The following NEDD4L variants were observed in gnomAD, a reference collection of about 807,000 sequenced individuals.
NEDD4L encodes the protein E3 ubiquitin-protein ligase NEDD4-like.
A neutral mutation model predicts 148.9 loss-of-function variants in NEDD4L; 54 were observed. That is an observed-to-expected ratio of 0.36 (90% CI 0.29 to 0.45). The LOEUF is 0.45. NEDD4L is among the 20% of genes least tolerant of loss of function. NEDD4L has a pLI of 1.00. For missense variants in NEDD4L, 856 were observed against 1,233.8 expected, an observed-to-expected ratio of 0.69 and a Z score of 4.59; for synonymous variants, 433 against 440.7, an observed-to-expected ratio of 0.98 and a Z score of 0.22.
intron 2 of NEDD4L, among the ~76,000 whole-genome samples, chr18:58,220,817 A>G (rs1255808991): frequency 6.6e-6 from 1 of 152,164 alleles, no homozygotes; most frequent in East Asian, 1.9e-4. Context: ...GGCAGAGAGC[A>G]CATGTTTGAC....
Position 58,151,987 on chromosome 18 carries a change from G to A in NEDD4L, c.49-13801G>A, listed in dbSNP as rs2034828565. On this transcript the variant is annotated intron_variant, in intron 1 of 30. Transcript: ENST00000400345. ...GAGCATCAAATAATATATCCCATAG[G>A]ATAGAAAGGCACAGTGAGTGAGTTT... Among the ~76,000 whole-genome samples, 3 of 152,204 alleles carry A rather than the reference G, an allele frequency of 2.0e-5. No individual in the cohort carries two copies. The South Asian group carries it at 6.2e-4, about 32-fold the overall frequency.
chr18:58,283,892 A>G (rs1341847287), intron 5 of NEDD4L, among the ~76,000 whole-genome samples: 1 of 152,230 alleles, frequency 6.6e-6, no homozygotes, highest in Non-Finnish European at 1.5e-5. Flanking sequence ...TCTGACTGGT[A>G]GCCTTATAAA....
chr18:58,333,280 A>T (rs2041266791), intron 11 of NEDD4L, among the ~76,000 whole-genome samples: 1 of 130,298 alleles, frequency 7.7e-6, no homozygotes, highest in African/African-American at 3.3e-5. Flanking sequence ...TCTATATTTA[A>T]AAAAAAAAAA....
At chr18:58,055,904 C>T (rs1204867174) in intron 1 of NEDD4L, among the ~76,000 whole-genome samples, 1 of 152,096 alleles carries the variant, frequency 6.6e-6, no homozygotes, top group Non-Finnish European at 1.5e-5. Context: ...ATCCATTTCT[C>T]CTTATTATTG....
intron 2 of NEDD4L, among the ~76,000 whole-genome samples, chr18:58,189,681 T>G (rs1482746513): frequency 6.6e-6 from 1 of 152,204 alleles, no homozygotes; most frequent in Non-Finnish European, 1.5e-5. Flanking sequence ...TTGGCTTTTT[T>G]CTTCACATGA....
intron 5 of NEDD4L, among the ~76,000 whole-genome samples, chr18:58,259,771 T>C (rs1273050156): frequency 6.6e-6 from 1 of 152,196 alleles, no homozygotes; most frequent in Non-Finnish European, 1.5e-5. Context: ...CATATGCTAT[T>C]GGAGAAGAGA....
intron 2 of NEDD4L, among the ~76,000 whole-genome samples, chr18:58,168,963 C>T (rs148070495): frequency 2.0e-5 from 3 of 151,858 alleles, no homozygotes; most frequent in Admixed American, 1.3e-4. Context: ...TGGTCAGGGG[C>T]GGGTGACGGT....
At position 58,185,685 on chromosome 18, in the gene NEDD4L, C is replaced by G. The variant is rs558583617; in HGVS notation, c.122+19824C>G. On this transcript the variant is annotated intron_variant, in intron 2 of 30. Coordinates refer to ENST00000400345, the MANE Select transcript of NEDD4L (RefSeq NM_001144967.3). ...GGTCAGGAGTTCGAGACCAGCCTGG[C>G]CAACATAGTGAAACCCCATCTCTAC... 1.2e-4 allele frequency among the ~76,000 whole-genome samples: 19 copies of G among 152,196 alleles called. No individual in the cohort carries two copies. The East Asian group carries it at 3.7e-3, about 29-fold the overall frequency.
At chr18:58,394,050 G>A (rs926516705) in intron 30 of NEDD4L, among the ~76,000 whole-genome samples, 2 of 152,164 alleles carry the variant, frequency 1.3e-5, no homozygotes, top group Non-Finnish European at 2.9e-5. Context: ...CATCTTCCAC[G>A]TGAGGACGCT....
At chr18:58,230,995 T>A (rs145887903) in intron 2 of NEDD4L, among the ~76,000 whole-genome samples, 1 of 152,068 alleles carries the variant, frequency 6.6e-6, no homozygotes, top group Non-Finnish European at 1.5e-5. Flanking sequence ...TACCTGTAAT[T>A]CCAACACTGT....
intron 2 of NEDD4L, among the ~76,000 whole-genome samples, chr18:58,205,405 T>C (rs2041880591): frequency 6.6e-6 from 1 of 152,212 alleles, no homozygotes. Flanking sequence ...ATGGAAGTTA[T>C]ATATAGAAGA....
rs1481832742 is a variant in NEDD4L, at chr18:58,366,425, T to C, written c.2063+197T>C. 6.6e-6 allele frequency among the ~76,000 whole-genome samples: 1 copy of C among 152,202 alleles called. No homozygotes were observed. Among genetic ancestry groups the C allele is most frequent in the Non-Finnish European group, 1.5e-5 (1 of 68,044 alleles). ...GGTGAAATAGTGTACTCTGCGAACA[T>C]CTAACATTGATTTTTTTTCTTGTCT... On this transcript the variant is annotated intron_variant, in intron 21 of 30. Coordinates refer to ENST00000400345, the MANE Select transcript of NEDD4L (RefSeq NM_001144967.3). This position sits in a 1 kb window ranked among gnomAD's most constrained non-coding sequence, Gnocchi z 4.2.
chr18:58,147,398 T>A (rs1381522451), intron 1 of NEDD4L, among the ~76,000 whole-genome samples: 1 of 152,092 alleles, frequency 6.6e-6, no homozygotes, highest in Non-Finnish European at 1.5e-5. Flanking sequence ...GTTGCCACAT[T>A]TGGGGGGCAG....
intron 27 of NEDD4L, 116 bp from the exon 28 acceptor site, chr18:58,388,969 C>T: frequency 1.3e-6 from 1 of 781,104 alleles, no homozygotes; most frequent in Non-Finnish European, 2.2e-6. Flanking sequence ...TTATGATTTG[C>T]TAGCTTACCT....
intron 2 of NEDD4L, among the ~76,000 whole-genome samples, chr18:58,203,623 T>G (rs1041374979): frequency 1.3e-5 from 2 of 152,078 alleles, no homozygotes; most frequent in African/African-American, 4.8e-5. Flanking sequence ...TCTTTTTTTT[T>G]TTTTCTAAAC....
intron 1 of NEDD4L, among the ~76,000 whole-genome samples, chr18:58,164,319 A>G (rs112162821): frequency 0.042 from 6,363 of 152,272 alleles, 456 homozygotes; most frequent in African/African-American, 0.14. Context: ...AGTTTTGTCT[A>G]TTAAAGCAAT....
At position 58,387,419 on chromosome 18, in the gene NEDD4L, G is replaced by GTTTTT. The variant is rs751368482; in HGVS notation, c.2488-12_2488-8dup. ...TTTGAAGGCAATAGGTGTTTAAGATGTTTTTTTTTTTTCTTTCAGGGATTC... is the reference window on the plus strand; with the variant it reads ...TTTGAAGGCAATAGGTGTTTAAGATGTTTTTTTTTTTTTTTTTCTTTCAGGGATTC... On this transcript the variant is annotated intron_variant, in intron 26 of 30. Coordinates refer to ENST00000400345, the MANE Select transcript of NEDD4L (RefSeq NM_001144967.3). 6 of 1,125,746 alleles carry GTTTTT rather than the reference G, an allele frequency of 5.3e-6. No homozygotes were observed. Among genetic ancestry groups the GTTTTT allele is most frequent in the East Asian group, 3.2e-5 (1 of 31,420 alleles). 69.7% of individuals were successfully genotyped at this position (1,125,746 alleles called of 1,614,324 possible). A position where few individuals can be genotyped will look rare whatever the true frequency, so the allele number is the denominator to read the frequency against.
intron 2 of NEDD4L, among the ~76,000 whole-genome samples, chr18:58,222,377 T>C (rs2043868095): frequency 6.6e-6 from 1 of 152,260 alleles, no homozygotes; most frequent in Admixed American, 6.5e-5. Context: ...TCTTCCTCGG[T>C]ATGAGTAATT....
chr18:58,258,861 G>A (rs2048961140), intron 5 of NEDD4L, among the ~76,000 whole-genome samples: 1 of 152,140 alleles, frequency 6.6e-6, no homozygotes, highest in Non-Finnish European at 1.5e-5. Flanking sequence ...GTTAAGTTTA[G>A]GCAGCAGCTG....
Sources: allele counts gnomAD v4.1 joint callset (sites outside exome capture counted in the v4.1 genomes callset), GRCh38; gene constraint gnomAD v4.1.1; non-coding constraint Gnocchi (gnomAD v3.1); transcripts MANE v1.5; gene names NCBI Gene and HGNC (gene_info 2026-07-23, HGNC 2026-07-21).